Variants in STIM1 observed in about 807,000 individuals in gnomAD.
The protein encoded by STIM1 is stromal interaction molecule 1.
Under a neutral mutation model 74.7 loss-of-function variants are expected in STIM1, and 25 were observed. The ratio of observed to expected loss-of-function variants is 0.33; its 90% CI spans 0.24 to 0.47. STIM1 has a LOEUF of 0.47. Among genes scored for constraint, STIM1 ranks in the 20% least tolerant of loss-of-function variants. STIM1 has a pLI of 1.00. For synonymous variants in STIM1, 328 were observed against 348.8 expected, an observed-to-expected ratio of 0.94 and a Z score of 0.66; for missense variants, 728 against 920.8, an observed-to-expected ratio of 0.79 and a Z score of 2.71.
chr11:3,930,158 A>G (rs993854774), intron 1 of STIM1, among the ~76,000 whole-genome samples: 2 of 152,198 alleles, frequency 1.3e-5, no homozygotes, highest in Non-Finnish European at 2.9e-5. Context: ...TGGGATTGAA[A>G]AAAAACCCAA....
chr11:3,855,298 C>T (rs1024752429), upstream of STIM1: 5 of 152,478 alleles, frequency 3.3e-5, no homozygotes, highest in Middle Eastern at 3.4e-3. Flanking sequence ...GGAGCAGCAC[C>T]AAGGCCCGGA....
chr11:4,040,614 T>C (rs1025416528), intron 3 of STIM1, among the ~76,000 whole-genome samples: 2 of 152,204 alleles, frequency 1.3e-5, no homozygotes, highest in African/African-American at 4.8e-5. Flanking sequence ...TTTTATATGA[T>C]TTTATCTCTT....
chr11:4,067,360 G>A (rs1278176772), intron 5 of STIM1, among the ~76,000 whole-genome samples: 1 of 152,150 alleles, frequency 6.6e-6, no homozygotes, highest in East Asian at 1.9e-4. Context: ...TGGCCTTGGG[G>A]TATTCACTGC....
intron 7 of STIM1, among the ~76,000 whole-genome samples, chr11:4,081,577 G>A (rs564090112): frequency 1.5e-3 from 230 of 152,286 alleles, no homozygotes; most frequent in Non-Finnish European, 2.6e-3. Flanking sequence ...TCATTTTTCA[G>A]TTCTCTCTGA....
intron 2 of STIM1, chr11:4,019,227 A>C (rs1416595855): frequency 6.6e-6 from 1 of 152,206 alleles, no homozygotes; most frequent in Admixed American, 6.5e-5. Context: ...TCTTAATGAC[A>C]CCTTGATTCC....
At chr11:3,887,969 C>CAAA (rs71047183) in intron 1 of STIM1, 15 of 104,934 alleles carry the variant, frequency 1.4e-4, no homozygotes, top group Middle Eastern at 5.4e-3. Context: ...GACTCTGTCT[C>CAAA]AAAAAAAAAA....
Position 4,069,195 on chromosome 11 carries a change from G to T in STIM1, c.614-831G>T, listed in dbSNP as rs868328767. ...CAGGAACAATGTTAGTTCCAGAAAT[G>T]CCTCTCTCCTGATTGGCTAAGTTTT... is the stretch of plus-strand genomic sequence containing the variant. On this transcript the variant is annotated intron_variant, in intron 5 of 12. Transcript: ENST00000526596. 3.9e-5 allele frequency among the ~76,000 whole-genome samples: 6 copies of T among 152,158 alleles called. No homozygotes were observed. In the South Asian group the frequency reaches 1.2e-3, roughly 32 times the overall value.
At chr11:3,899,454 A>G (rs1237382168) in intron 1 of STIM1, among the ~76,000 whole-genome samples, 3 of 152,104 alleles carry the variant, frequency 2.0e-5, no homozygotes, top group East Asian at 1.9e-4. Context: ...CAATCATGTC[A>G]TCTGCAAACA....
chr11:4,003,785 A>G (rs1268806741), intron 2 of STIM1, among the ~76,000 whole-genome samples: 1 of 152,232 alleles, frequency 6.6e-6, no homozygotes, highest in African/African-American at 2.4e-5. Context: ...TTAGGAAAAG[A>G]GGAAGCCAAA....
At chr11:4,029,890 A>G (rs941755118) in intron 3 of STIM1, among the ~76,000 whole-genome samples, 1 of 152,182 alleles carries the variant, frequency 6.6e-6, no homozygotes, top group Middle Eastern at 3.2e-3. Context: ...ATATGCCATA[A>G]TAACTTCACC....
At chr11:3,900,184 C>G (rs1015904699) in intron 1 of STIM1, among the ~76,000 whole-genome samples, 1 of 152,172 alleles carries the variant, frequency 6.6e-6, no homozygotes, top group East Asian at 1.9e-4. Context: ...AGTTTGATCT[C>G]AGACTGCTGT....
chr11:3,971,418 ACTCTGGAGG>A (rs2093393534), intron 2 of STIM1, among the ~76,000 whole-genome samples: 1 of 151,916 alleles, frequency 6.6e-6, no homozygotes, highest in South Asian at 2.1e-4. Context: ...AGTCCTAGCT[ACTCTGGAGG>A]CTGAGGCAGG....
In STIM1 at chr11:3,994,546, A is replaced by G. The variant is rs931057063; in HGVS notation, c.270+26864A>G. ...CACAATCTCAGCTCACTCCAATCTG[A>G]CTCCTGGGTTCAAGCGATTCTCATG... On this transcript the variant is annotated intron_variant, in intron 2 of 12. Transcript: ENST00000526596. Among the ~76,000 whole-genome samples the G allele has an allele frequency of 2.8e-4, 40 of 144,892 alleles. 2 individuals carry two copies. Among genetic ancestry groups the G allele is most frequent in the Non-Finnish European group, 1.0e-4 (7 of 66,714 alleles).
chr11:4,089,220 C>CAATA (rs935908074), intron 12 of STIM1: 24 of 161,208 alleles, frequency 1.5e-4, no homozygotes, highest in East Asian at 5.2e-4. Flanking sequence ...AAGACCCTGT[C>CAATA]AATAAATAAA....
At chr11:3,992,292 T>C (rs978471230) in intron 2 of STIM1, among the ~76,000 whole-genome samples, 1 of 151,316 alleles carries the variant, frequency 6.6e-6, no homozygotes, top group African/African-American at 2.4e-5. Context: ...TGTGTGCCTA[T>C]AATTCCAGCT....
intron 1 of STIM1, among the ~76,000 whole-genome samples, chr11:3,902,694 G>A (rs145472488): frequency 1.6e-4 from 24 of 152,324 alleles, no homozygotes; most frequent in Middle Eastern, 3.4e-3. Context: ...GCAGCCTGAG[G>A]GTTGGGGACC....
chr11:3,917,827 C>T (rs779349210), intron 1 of STIM1, among the ~76,000 whole-genome samples: 9 of 152,060 alleles, frequency 5.9e-5, no homozygotes, highest in African/African-American at 9.7e-5. Context: ...AGAATCAAGG[C>T]GAAGACTAAG....
chr11:4,016,620 T>A (rs2412336), intron 2 of STIM1, among the ~76,000 whole-genome samples: 6,433 of 152,340 alleles, frequency 0.042, 422 homozygotes, highest in African/African-American at 0.14. Context: ...GCAGAAGCTG[T>A]CTGCTGCCTT....
chr11:4,067,946 C>T (rs1022364441), intron 5 of STIM1, among the ~76,000 whole-genome samples: 19 of 152,240 alleles, frequency 1.2e-4, no homozygotes, highest in African/African-American at 4.1e-4. Flanking sequence ...GTAAATCAAC[C>T]GTGTTAGAAT....
Sources: gnomAD v4.1 joint callset for allele counts (sites outside exome capture counted in the v4.1 genomes callset) on GRCh38, gnomAD v4.1.1 for gene constraint, MANE v1.5 for transcripts, NCBI Gene and HGNC (gene_info 2026-07-23, HGNC 2026-07-21) for gene names.